The following LRP5 variants were observed in gnomAD, a reference collection of about 807,000 sequenced individuals.
LRP5 encodes the protein LDL receptor related protein 5.
A neutral mutation model predicts 154.1 loss-of-function variants in LRP5; 62 were observed. That is an observed-to-expected ratio of 0.40 (90% CI 0.33 to 0.50). The LOEUF is 0.50. Ranked by LOEUF, LRP5 falls within the 20% of genes least tolerant of loss-of-function variation. LRP5 has a pLI of 0.55. For missense variants in LRP5, 1,915 were observed against 2,336.7 expected, an observed-to-expected ratio of 0.82 and a Z score of 3.72; for synonymous variants, 966 against 1,011.5, an observed-to-expected ratio of 0.96 and a Z score of 0.85.
At chr11:68,320,713 C>G (rs1252479063) in intron 1 of LRP5, among the ~76,000 whole-genome samples, 1 of 152,160 alleles carries the variant, frequency 6.6e-6, no homozygotes, top group African/African-American at 2.4e-5. Context: ...CTACCCATCT[C>G]CGCCTCCCAA....
chr11:68,310,741 T>G (rs1279318776), upstream of LRP5, among the ~76,000 whole-genome samples: 5 of 127,322 alleles, frequency 3.9e-5, no homozygotes, highest in African/African-American at 6.2e-5. Flanking sequence ...GGCCACAGAG[T>G]GAGACCCTGT....
chr11:68,332,766 C>T (rs2098603610), intron 1 of LRP5, among the ~76,000 whole-genome samples: 1 of 152,090 alleles, frequency 6.6e-6, no homozygotes, highest in African/African-American at 2.4e-5. Flanking sequence ...GAGAGACCTC[C>T]TGGCTTAGCA....
intron 2 of LRP5, among the ~76,000 whole-genome samples, chr11:68,350,576 C>T (rs1159732611): frequency 6.6e-5 from 10 of 152,362 alleles, no homozygotes; most frequent in Non-Finnish European, 7.3e-5. Flanking sequence ...CCCATGGTGC[C>T]GGCTGCAGGA....
chr11:68,403,879 A>AG (rs1436757183), intron 8 of LRP5, 180 bp downstream of exon 8: 4 of 670,014 alleles, frequency 6.0e-6, no homozygotes, highest in African/African-American at 1.8e-5. Context: ...GGAGCTGATT[A>AG]GGGAGTGGTT....
chr11:68,426,571 G>A (rs2153174690), intron 16 of LRP5, among the ~76,000 whole-genome samples: 1 of 151,986 alleles, frequency 6.6e-6, no homozygotes, highest in South Asian at 2.1e-4. Flanking sequence ...GGGACTACAG[G>A]TGGGCACCAC....
intron 12 of LRP5, among the ~76,000 whole-genome samples, chr11:68,415,125 ACT>A (rs2098661796): frequency 6.6e-6 from 1 of 152,014 alleles, no homozygotes; most frequent in African/African-American, 2.4e-5. Context: ...AGGCCAGGAG[ACT>A]CTGTTAGCTG....
intron 1 of LRP5, among the ~76,000 whole-genome samples, chr11:68,323,579 A>T (rs2098597980): frequency 6.6e-6 from 1 of 151,996 alleles, no homozygotes; most frequent in Non-Finnish European, 1.5e-5. Context: ...AGGCCCAGGT[A>T]ATTTTTTAAA....
chr11:68,396,790 G>T (rs1033584858), intron 7 of LRP5, among the ~76,000 whole-genome samples: 60 of 152,126 alleles, frequency 3.9e-4, no homozygotes, highest in Non-Finnish European at 7.4e-4. Flanking sequence ...GGGAGTGGCG[G>T]TGGTTCCAGC....
At chr11:68,443,544 CATATATATATATATATATATAT>C (rs1157048489) in intron 21 of LRP5, among the ~76,000 whole-genome samples, 55 of 22,326 alleles carry the variant, frequency 2.5e-3, no homozygotes, top group African/African-American at 9.3e-3. Context: ...TCTTTTATGG[CATATATATATATATATATATAT>C]ATATATATAT....
chr11:68,322,958 C>T (rs549253895), intron 1 of LRP5, among the ~76,000 whole-genome samples: 57 of 152,332 alleles, frequency 3.7e-4, no homozygotes, highest in African/African-American at 1.1e-3. Flanking sequence ...GCCCAGACTC[C>T]GTGAGATGCC....
At chr11:68,364,934 T>C (rs1257197612) in intron 4 of LRP5, among the ~76,000 whole-genome samples, 1 of 152,220 alleles carries the variant, frequency 6.6e-6, no homozygotes. Context: ...ACACCCAGCT[T>C]TCCCCTGGTT....
In LRP5 at chr11:68,439,902, A is replaced by T; in HGVS notation, c.4474A>T (p.Thr1492Ser). 1 of 1,446,440 alleles carries T rather than the reference A, an allele frequency of 6.9e-7. No individual in the cohort carries two copies. The allele number at this position is 1,446,440 out of a possible 1,614,324, so 89.6% of individuals were successfully genotyped here. A position where few individuals can be genotyped will look rare whatever the true frequency, so the allele number is the denominator to read the frequency against. The change falls in exon 21 of 23, where the codon ACG (threonine) becomes TCG (serine). Residue 1492 changes from threonine (T) to serine (S), a missense_variant. Around this residue, in one of 3 missense-constraint regions of LRP5, gnomAD observed 1,094 missense variants for 1,210.1 expected, o/e 0.90. Transcript: ENST00000294304. Reference sequence around the variant, plus strand: ...CAGCAGCTCGTCCAGCACGAAGGCCACGCTGTACCCGCCGGTGAGGGGCGG... The same window carrying T: ...CAGCAGCTCGTCCAGCACGAAGGCCTCGCTGTACCCGCCGGTGAGGGGCGG... The part of the protein sequence containing the change: ...SSSSSSSTKA[T>S]LYPPILNPPP...
intron 7 of LRP5, among the ~76,000 whole-genome samples, chr11:68,398,659 G>A: frequency 6.7e-6 from 1 of 149,060 alleles, no homozygotes; most frequent in African/African-American, 2.5e-5. Flanking sequence ...AAAAAAAAAA[G>A]CCAAAGGAGG....
rs1215770560 is a variant in LRP5, at chr11:68,447,586, G to A, written c.4586+1053G>A. Among the ~76,000 whole-genome samples the A allele has an allele frequency of 6.6e-6, 1 of 152,120 alleles. No individual in the cohort carries two copies. Among genetic ancestry groups the A allele is most frequent in the Non-Finnish European group, 1.5e-5 (1 of 68,034 alleles). On this transcript the variant is annotated intron_variant, in intron 22 of 22. Coordinates refer to ENST00000294304, the MANE Select transcript of LRP5 (RefSeq NM_002335.4). This position sits in a 1 kb window ranked among gnomAD's most constrained non-coding sequence, Gnocchi z 4.3. ...CATCCACACTGGGCAGCCCAGTCTC[G>A]CTAGTTCCTCGTCCCACCTCCTGCC...
At chr11:68,439,710 C>G in intron 20 of LRP5, 67 bp from the exon 21 acceptor site, 1 of 1,550,356 alleles carries the variant, frequency 6.5e-7, no homozygotes, top group Non-Finnish European at 8.8e-7. Context: ...GGAGAGCGCC[C>G]TATGTCTGTG....
At chr11:68,318,059 A>C (rs2098594440) in intron 1 of LRP5, among the ~76,000 whole-genome samples, 1 of 144,926 alleles carries the variant, frequency 6.9e-6, no homozygotes, top group Non-Finnish European at 1.5e-5. Flanking sequence ...TTGAGATTTA[A>C]TTTTTTTTTT....
In LRP5 at chr11:68,386,326, G is replaced by A. The variant is rs368750109; in HGVS notation, c.1026G>A (p.Glu342=). Residue 342 remains glutamate (E), a synonymous_variant, in exon 6 of 23, where the codon GAG becomes GAA. Coordinates refer to ENST00000294304, the MANE Select transcript of LRP5 (RefSeq NM_002335.4). The surrounding 1 kb of genome is among the most constrained non-coding windows in gnomAD (Gnocchi z 7.9). ...CACCTGTCTCCACAGGAGCCGAGGA[G>A]GTGCTGCTGCTGGCCCGGCGGACGG... ...NGRTCKAGAE[E]VLLLARRTDL... is the part of the protein sequence containing the mutation. 12 of 1,612,368 alleles carry A rather than the reference G, an allele frequency of 7.4e-6. No individual in the cohort carries two copies. The highest frequency in any genetic ancestry group is 1.0e-5 in the Non-Finnish European group (12 of 1,180,020).
At chr11:68,416,232 C>G in intron 12 of LRP5, 96 bp from the exon 13 acceptor site, 3 of 1,071,330 alleles carry the variant, frequency 2.8e-6, no homozygotes, top group Non-Finnish European at 2.9e-6. Context: ...GGGGCAGATG[C>G]TGAGCCGCCT....
the LRP5 span, among the ~76,000 whole-genome samples, chr11:68,306,536 C>G: frequency 6.6e-6 from 1 of 152,154 alleles, no homozygotes; most frequent in Non-Finnish European, 1.5e-5. Context: ...TTAATGACAC[C>G]CGGGAAGACC....
Sources: gnomAD v4.1 joint callset for allele counts (sites outside exome capture counted in the v4.1 genomes callset) on GRCh38, gnomAD v4.1.1 for gene constraint, gnomAD v4.1.1 regional missense constraint, Gnocchi (gnomAD v3.1) non-coding constraint, MANE v1.5 for transcripts, NCBI Gene and HGNC (gene_info 2026-07-23, HGNC 2026-07-21) for gene names.